The following MINDY3 variants were observed in gnomAD, a reference collection of about 807,000 sequenced individuals.
The protein encoded by MINDY3 is MINDY lysine 48 deubiquitinase 3.
A neutral mutation model predicts 69.2 loss-of-function variants in MINDY3; 38 were observed. The ratio of observed to expected loss-of-function variants is 0.55; its 90% CI spans 0.42 to 0.72. MINDY3 has a LOEUF of 0.72. MINDY3 is among the 30% of genes least tolerant of loss of function. The pLI, the probability that MINDY3 is intolerant of heterozygous loss-of-function variation, is 0.00. For missense variants in MINDY3, 522 were observed against 519.0 expected, an observed-to-expected ratio of 1.01 and a Z score of -0.06; for synonymous variants, 192 against 180.1, an observed-to-expected ratio of 1.07 and a Z score of -0.53.
chr10:15,844,771 A>T (rs780019229), intron 2 of MINDY3, among the ~76,000 whole-genome samples: 6 of 152,210 alleles, frequency 3.9e-5, no homozygotes, highest in Non-Finnish European at 7.3e-5. Flanking sequence ...GCAGTATATG[A>T]GTGTGCCAGC....
intron 14 of MINDY3, among the ~76,000 whole-genome samples, chr10:15,780,841 T>A (rs573915858): frequency 2.0e-5 from 3 of 152,176 alleles, no homozygotes; most frequent in Non-Finnish European, 4.4e-5. Flanking sequence ...TACATACAGG[T>A]AGAGTGGCCA....
chr10:15,796,278 T>G (rs919882801), intron 10 of MINDY3, 106 bp from the exon 11 acceptor site: 2 of 826,968 alleles, frequency 2.4e-6, no homozygotes, highest in South Asian at 1.4e-5. Context: ...TCAGAAGACT[T>G]TGAGTTACAT....
chr10:15,787,482 G>A (rs937345609), intron 12 of MINDY3, among the ~76,000 whole-genome samples: 8 of 152,128 alleles, frequency 5.3e-5, no homozygotes, highest in African/African-American at 1.9e-4. Context: ...GGGATTTCAG[G>A]TGGTTCTAGT....
chr10:15,778,262 T>C lies in MINDY3; in HGVS notation c.*730A>G, dbSNP rs1042151882. 1.2e-4 allele frequency: 19 copies of C among 152,338 alleles called. No individual in the cohort carries two copies. The highest frequency in any genetic ancestry group is 3.4e-3 in the Middle Eastern group (1 of 294). The allele number at this position is 152,338 out of a possible 1,614,324, so 9.4% of individuals were successfully genotyped here. On this transcript the variant is annotated 3_prime_UTR_variant, in exon 15 of 15. Transcript: ENST00000277632. Reference sequence around the variant, plus strand: ...ATGTAATAACAGATCTTCTCATGCATTTATCGTGTTTATAAATATAGAAGA... The same window carrying C: ...ATGTAATAACAGATCTTCTCATGCACTTATCGTGTTTATAAATATAGAAGA...
intron 10 of MINDY3, among the ~76,000 whole-genome samples, chr10:15,813,704 C>T (rs1839165097): frequency 6.6e-6 from 1 of 152,126 alleles, no homozygotes; most frequent in Admixed American, 6.6e-5. Context: ...GCAACTATTA[C>T]CACCTTCACC....
chr10:15,829,121 T>C (rs557256975), intron 8 of MINDY3, among the ~76,000 whole-genome samples: 3 of 152,222 alleles, frequency 2.0e-5, no homozygotes, highest in Non-Finnish European at 2.9e-5. Context: ...CGAGGTGTAA[T>C]AGAATGAAGC....
intron 11 of MINDY3, 105 bp downstream of exon 11, chr10:15,795,995 T>C (rs1588528294): frequency 1.1e-6 from 1 of 881,216 alleles, no homozygotes; most frequent in East Asian, 2.4e-5. Context: ...CAACTTACAT[T>C]TCATTAAATA....
At chr10:15,787,095 A>G (rs1837028922) in intron 12 of MINDY3, among the ~76,000 whole-genome samples, 2 of 152,196 alleles carry the variant, frequency 1.3e-5, no homozygotes, top group South Asian at 4.1e-4. Flanking sequence ...AACATCTCTT[A>G]AAAAGCTTAC....
At chr10:15,855,582 A>G (rs1358146708) in intron 1 of MINDY3, among the ~76,000 whole-genome samples, 2 of 152,134 alleles carry the variant, frequency 1.3e-5, no homozygotes, top group Non-Finnish European at 2.9e-5. Flanking sequence ...CACATTTTAT[A>G]GCTCAGAACC....
chr10:15,798,072 G>A (rs114567344), intron 10 of MINDY3, among the ~76,000 whole-genome samples: 2,810 of 152,078 alleles, frequency 0.018, 85 homozygotes, highest in African/African-American at 0.061. Context: ...CTTTCTATTC[G>A]CCATCTGTTA....
chr10:15,834,074 G>A (rs934753279), intron 7 of MINDY3, among the ~76,000 whole-genome samples: 4 of 151,664 alleles, frequency 2.6e-5, no homozygotes, highest in Non-Finnish European at 5.9e-5. Context: ...TCATCTTTCA[G>A]GCAGAAAGGT....
At position 15,857,896 on chromosome 10, in the gene MINDY3, C is replaced by G. The variant is rs1439930202; in HGVS notation, c.94+2310G>C. ...TAATTGTATAAATATTCATGCCAAA[C>G]ATCTTACATCTGTATCTTGCTTCCA... On this transcript the variant is annotated intron_variant, in intron 1 of 14. Coordinates refer to ENST00000277632, the MANE Select transcript of MINDY3 (RefSeq NM_024948.4). 5.2e-6 allele frequency: 5 copies of G among 955,936 alleles called. No homozygotes were observed. The South Asian group carries it at 2.4e-4, about 46-fold the overall frequency. The allele number at this position is 955,936 out of a possible 1,614,324, so 59.2% of individuals were successfully genotyped here.
intron 10 of MINDY3, among the ~76,000 whole-genome samples, chr10:15,813,508 C>T (rs1483188977): frequency 6.6e-6 from 1 of 152,186 alleles, no homozygotes; most frequent in Admixed American, 6.5e-5. Context: ...ACTCATCACA[C>T]TTGTAAATTT....
chr10:15,856,392 C>T (rs1430741949), intron 1 of MINDY3, among the ~76,000 whole-genome samples: 1 of 151,558 alleles, frequency 6.6e-6, no homozygotes, highest in Non-Finnish European at 1.5e-5. Context: ...ACTACACCTA[C>T]ACGCCCCTCT....
intron 8 of MINDY3, among the ~76,000 whole-genome samples, chr10:15,827,595 AT>A (rs1204322820): frequency 1.3e-5 from 2 of 152,090 alleles, no homozygotes; most frequent in Non-Finnish European, 2.9e-5. Flanking sequence ...ATATAAAAAA[AT>A]ATATCATTAA....
At chr10:15,827,031 G>A (rs549709018) in intron 8 of MINDY3, among the ~76,000 whole-genome samples, 3 of 151,960 alleles carry the variant, frequency 2.0e-5, no homozygotes, top group Non-Finnish European at 4.4e-5. Flanking sequence ...GAGGCAAGAG[G>A]ACCACTGGAG....
At chr10:15,846,068 C>T (rs1268304387) in intron 2 of MINDY3, among the ~76,000 whole-genome samples, 2 of 149,926 alleles carry the variant, frequency 1.3e-5, no homozygotes, top group South Asian at 4.3e-4. Context: ...GGTGATCTAC[C>T]TGCCTCGGCC....
In MINDY3 at chr10:15,789,286, T is replaced by A. The variant is rs1329276014; in HGVS notation, c.989A>T (p.Asp330Val). The change falls in exon 12 of 15, where the codon GAT (aspartate) becomes GTT (valine). Residue 330 changes from aspartate to valine, a missense_variant. Coordinates refer to ENST00000277632, the MANE Select transcript of MINDY3 (RefSeq NM_024948.4). ...NGFIPDSLLEDVMKALDLVSD... is the reference protein window; with the variant it reads ...NGFIPDSLLEVVMKALDLVSD... ...AACAAGGTCCAATGCTTTCATCACA[T>A]CTTCCAGAAGTGAATCGGGTATGAA... The A allele has an allele frequency of 2.5e-6, 4 of 1,611,534 alleles. No homozygotes were observed. In the Admixed American group the frequency reaches 6.7e-5, roughly 27 times the overall value.
intron 12 of MINDY3, 52 bp from the exon 13 acceptor site, chr10:15,786,700 G>A (rs762358852): frequency 1.2e-5 from 13 of 1,105,164 alleles, no homozygotes; most frequent in Non-Finnish European, 2.7e-6. Flanking sequence ...AAAAAAAGCT[G>A]CTTTTCTTTC....
Sources: allele counts gnomAD v4.1 joint callset (sites outside exome capture counted in the v4.1 genomes callset), GRCh38; gene constraint gnomAD v4.1.1; transcripts MANE v1.5; gene names NCBI Gene and HGNC (gene_info 2026-07-23, HGNC 2026-07-21).